The following SLFN12L variants were observed in gnomAD, a reference collection of about 807,000 sequenced individuals.
The protein encoded by SLFN12L is schlafen family member 12 like.
In SLFN12L, 34 loss-of-function variants were observed where a neutral mutation model predicts 34.8. The ratio of observed to expected loss-of-function variants is 0.98; its 90% CI spans 0.74 to 1.30. The LOEUF (loss-of-function observed/expected upper bound fraction) is 1.30. SLFN12L is among the 50% of genes most tolerant of loss of function. The probability of loss-of-function intolerance (pLI) is 0.00; values close to 1 mark genes in which losing one functional copy is unlikely to be tolerated. For synonymous variants in SLFN12L, 259 were observed against 247.5 expected, an observed-to-expected ratio of 1.05 and a Z score of -0.44; for missense variants, 703 against 696.2, an observed-to-expected ratio of 1.01 and a Z score of -0.11.
intron 2 of SLFN12L, among the ~76,000 whole-genome samples, chr17:35,496,567 G>A (rs934105901): frequency 9.0e-6 from 1 of 111,720 alleles, no homozygotes; most frequent in Non-Finnish European, 1.8e-5. Flanking sequence ...TCATGACCTC[G>A]ACTCCCTTCC....
At chr17:35,498,177 G>A (rs1597855874) in intron 2 of SLFN12L, 1 of 673,150 alleles carries the variant, frequency 1.5e-6, no homozygotes, top group Non-Finnish European at 2.7e-6. Flanking sequence ...TCCGGGAGGC[G>A]GCGGCGTGGG....
chr17:35,533,852 G>A (rs577393555), intron 1 of SLFN12L, among the ~76,000 whole-genome samples: 2 of 152,128 alleles, frequency 1.3e-5, no homozygotes, highest in African/African-American at 2.4e-5. Context: ...AGGCCGAGGC[G>A]GGCAGATCAC....
At chr17:35,497,188 C>T (rs1418070454) in intron 2 of SLFN12L, among the ~76,000 whole-genome samples, 4 of 152,106 alleles carry the variant, frequency 2.6e-5, no homozygotes, top group African/African-American at 9.7e-5. Context: ...GTCAGGAGTT[C>T]CAGACCAGCC....
rs182133068 is a variant in SLFN12L at position 35,528,888 on chromosome 17, A to C, written c.-605-5919T>G. ...AGCTTCTGCACAGCAAAAGAAACTA[A>C]CATCAGAGTGAACAGGCAATCTACA... is the stretch of plus-strand genomic sequence containing the variant. On this transcript the variant is annotated intron_variant, in intron 1 of 4. Coordinates refer to ENST00000628453, the MANE Select transcript of SLFN12L (RefSeq NM_001363830.2). 4.2e-3 allele frequency among the ~76,000 whole-genome samples: 632 copies of C among 152,248 alleles called. 5 individuals are homozygous for C. The highest frequency in any genetic ancestry group is 0.015 in the African/African-American group (609 of 41,548).
chr17:35,506,162 T>C (rs1396581097), intron 2 of SLFN12L, among the ~76,000 whole-genome samples: 2 of 152,094 alleles, frequency 1.3e-5, no homozygotes, highest in African/African-American at 2.4e-5. Context: ...ATGAGTAAAG[T>C]GTTAGCCAAA....
At chr17:35,496,718 C>G (rs573645105) in intron 2 of SLFN12L, among the ~76,000 whole-genome samples, 1 of 152,280 alleles carries the variant, frequency 6.6e-6, no homozygotes, top group African/African-American at 2.4e-5. Context: ...GAGAGTGCAG[C>G]GCTCCTCTTT....
At chr17:35,515,617 G>A (rs1021274214) in intron 2 of SLFN12L, among the ~76,000 whole-genome samples, 2 of 147,316 alleles carry the variant, frequency 1.4e-5, no homozygotes, top group South Asian at 2.2e-4. Context: ...TGCAGGAGCG[G>A]CCACCACGCC....
Position 35,479,260 on chromosome 17 carries a change from C to T in SLFN12L, c.1022G>A (p.Cys341Tyr). The T allele has an allele frequency of 6.3e-7, 1 of 1,592,640 alleles. No individual in the cohort carries two copies. Among genetic ancestry groups the T allele is most frequent in the Non-Finnish European group, 8.6e-7 (1 of 1,167,946 alleles). ...FLGVYDKGRL[C>Y]GYVYALRVER... ...CACTCTGAGTGCATACACATATCCA[C>T]AAAGCCTTCCTTTATCATATACTCC... Residue 341 changes from cysteine (C) to tyrosine (Y), a missense_variant, in exon 3 of 5, where the codon TGT becomes TAT. Cys to Tyr is a radical substitution (Grantham distance 194). Transcript: ENST00000628453.
chr17:35,498,970 G>C (rs1462043187), intron 2 of SLFN12L: 2 of 708,340 alleles, frequency 2.8e-6, no homozygotes, highest in African/African-American at 1.8e-5. Context: ...GTCAAGGATG[G>C]GTGTCCCTCC....
chr17:35,487,367 C>A (rs952339598), intron 2 of SLFN12L, among the ~76,000 whole-genome samples: 1 of 152,382 alleles, frequency 6.6e-6, no homozygotes, highest in East Asian at 1.9e-4. Context: ...GCTACAGAGA[C>A]AGGAGCCAAC....
At chr17:35,496,066 C>T (rs1204192446) in intron 2 of SLFN12L, among the ~76,000 whole-genome samples, 1 of 151,946 alleles carries the variant, frequency 6.6e-6, no homozygotes, top group African/African-American at 2.4e-5. Flanking sequence ...TGAGGTCGTC[C>T]CCACCCCCGG....
rs1208844897 is a variant in SLFN12L, at chr17:35,473,264, T to A, written c.*1659A>T. Among the ~76,000 whole-genome samples, 1 of 152,210 alleles carries A rather than the reference T, an allele frequency of 6.6e-6. No homozygotes were observed. The highest frequency in any genetic ancestry group is 1.5e-5 in the Non-Finnish European group (1 of 68,032). On this transcript the variant is annotated 3_prime_UTR_variant, in exon 5 of 5. Transcript: ENST00000628453. ...GGGAATGCTTCCAGGTTTTGCCCATTCAGTATGATATTGGCTGTGGGTTTG... is the reference window on the plus strand; with the variant it reads ...GGGAATGCTTCCAGGTTTTGCCCATACAGTATGATATTGGCTGTGGGTTTG...
chr17:35,498,658 A>G (rs1251113682), intron 2 of SLFN12L: 18 of 1,602,562 alleles, frequency 1.1e-5, no homozygotes, highest in African/African-American at 4.0e-5. Flanking sequence ...ACCATCCAGG[A>G]CATCCTATCT....
chr17:35,490,686 G>T, intron 2 of SLFN12L: 2 of 1,142,948 alleles, frequency 1.7e-6, no homozygotes, highest in Admixed American at 3.4e-5. Context: ...TATTAACCGA[G>T]GATTCAGATC....
chr17:35,520,891 G>A (rs1218825581), intron 2 of SLFN12L, among the ~76,000 whole-genome samples: 1 of 152,068 alleles, frequency 6.6e-6, no homozygotes, highest in Non-Finnish European at 1.5e-5. Context: ...TACTGCCCAA[G>A]CCATTCAGCA....
rs1913727850 is a variant in SLFN12L at position 35,467,059 on chromosome 17, T to A, written c.*7864A>T. ...CCAAGTCCTGGGCTCTCTAGCATAT[T>A]CACACGCAGAAGGGAGTGACGTCCC... On this transcript the variant is annotated 3_prime_UTR_variant, in exon 5 of 5. Transcript: ENST00000628453. 6.6e-6 allele frequency among the ~76,000 whole-genome samples: 1 copy of A among 152,188 alleles called. No individual in the cohort carries two copies. The highest frequency in any genetic ancestry group is 2.4e-5 in the African/African-American group (1 of 41,440).
At chr17:35,533,208 A>G (rs2072427817) in intron 1 of SLFN12L, among the ~76,000 whole-genome samples, 1 of 152,252 alleles carries the variant, frequency 6.6e-6, no homozygotes, top group Non-Finnish European at 1.5e-5. Flanking sequence ...GATGCTTAAC[A>G]CAATGTTGTA....
intron 1 of SLFN12L, among the ~76,000 whole-genome samples, chr17:35,533,811 T>G (rs144732473): frequency 1.3e-5 from 2 of 152,178 alleles, no homozygotes; most frequent in Non-Finnish European, 2.9e-5. Context: ...CCAGACACCA[T>G]AGCTCACGCC....
At position 35,473,841 on chromosome 17, in the gene SLFN12L, C is replaced by T. The variant is rs541150466; in HGVS notation, c.*1082G>A. On this transcript the variant is annotated 3_prime_UTR_variant, in exon 5 of 5. Coordinates refer to ENST00000628453, the MANE Select transcript of SLFN12L (RefSeq NM_001363830.2). ...TTTCAGAACTTGTTATTGACCTGTT[C>T]AGGGATTTGACTTCTCCCTGGCTCA... 1 of 152,276 alleles carries T rather than the reference C, an allele frequency of 6.6e-6. No individual in the cohort carries two copies. Among genetic ancestry groups the T allele is most frequent in the Non-Finnish European group, 1.5e-5 (1 of 68,028 alleles). 9.4% of individuals were successfully genotyped at this position (152,276 alleles called of 1,614,324 possible). A position where few individuals can be genotyped will look rare whatever the true frequency, so the allele number is the denominator to read the frequency against.
Sources: allele counts gnomAD v4.1 joint callset (sites outside exome capture counted in the v4.1 genomes callset), GRCh38; gene constraint gnomAD v4.1.1; transcripts MANE v1.5; gene names NCBI Gene and HGNC (gene_info 2026-07-23, HGNC 2026-07-21).